ZNF462: variants seen among roughly 807,000 people sequenced by gnomAD.
ZNF462 encodes zinc finger protein 462, also known as zinc finger PBX1-interacting protein.
A neutral mutation model predicts 201.9 loss-of-function variants in ZNF462; 10 were observed. The observed-to-expected ratio is 0.05, with a 90% CI of 0.03 to 0.08. The LOEUF (loss-of-function observed/expected upper bound fraction) is 0.08, where lower values mean the gene tolerates loss of function less well. Ranked by LOEUF, ZNF462 falls within the 10% of genes least tolerant of loss-of-function variation. The pLI is 1.00. For synonymous variants in ZNF462, 1,227 were observed against 1,193.3 expected, an observed-to-expected ratio of 1.03 and a Z score of -0.58; for missense variants, 2,523 against 3,168.3, an observed-to-expected ratio of 0.80 and a Z score of 4.89.
Position 106,974,329 on chromosome 9 carries a change from G to T in ZNF462, c.6832+56G>T. The T allele has an allele frequency of 1.2e-6, 2 of 1,612,546 alleles. No individual in the cohort carries two copies. Among genetic ancestry groups the T allele is most frequent in the Non-Finnish European group, 1.7e-6 (2 of 1,178,716 alleles). ...CAGCGGGGGGCAGGCAGCAGAGATG[G>T]CCTTCTAGGGATGCTCTCTCAGAGT... On this transcript the variant is annotated intron_variant, in intron 9 of 12. Transcript: ENST00000277225. The surrounding 1 kb of genome is among the most constrained non-coding windows in gnomAD (Gnocchi z 4.0).
chr9:106,954,020 T>C lies in ZNF462; in HGVS notation c.6427+14913T>C, dbSNP rs1831469451. ...CTCATCTCTTACCTAAGCCATTAAT[T>C]ACCATGTTTATCCCACCTGCAAAGT... On this transcript the variant is annotated intron_variant, in intron 7 of 12. Transcript: ENST00000277225. This position sits in a 1 kb window ranked among gnomAD's most constrained non-coding sequence, Gnocchi z 4.0. Among the ~76,000 whole-genome samples the C allele has an allele frequency of 1.3e-5, 2 of 152,140 alleles. No homozygotes were observed.
intron 1 of ZNF462, among the ~76,000 whole-genome samples, chr9:106,899,521 A>G (rs1368426018): frequency 1.3e-5 from 2 of 152,140 alleles, no homozygotes; most frequent in South Asian, 4.1e-4. Flanking sequence ...AAACCCTGAG[A>G]GAAAATGGAA....
intron 11 of ZNF462, among the ~76,000 whole-genome samples, chr9:107,004,218 A>G (rs1329449920): frequency 6.6e-6 from 1 of 152,252 alleles, no homozygotes; most frequent in African/African-American, 2.4e-5. Context: ...TTGCAGATTT[A>G]TCAGAAGCAC....
In ZNF462 at chr9:106,925,577, ACAGCCACAGCCACTGCAG is replaced by A. The variant is rs747990150; in HGVS notation, c.1679_1696del (p.Leu560_Pro565del). 139 of 1,612,526 alleles carry A rather than the reference ACAGCCACAGCCACTGCAG, an allele frequency of 8.6e-5. No homozygotes were observed. The highest frequency in any genetic ancestry group is 1.1e-4 in the Non-Finnish European group (130 of 1,179,308). On this transcript the variant is annotated inframe_deletion, in exon 3 of 13. Coordinates refer to ENST00000277225, the MANE Select transcript of ZNF462 (RefSeq NM_021224.6). The surrounding 1 kb of genome is among the most constrained non-coding windows in gnomAD (Gnocchi z 7.9). ...CACCGCCGCCGCCACCACCACCATC[ACAGCCACAGCCACTGCAG>A]CAGCCACAGCCACCACAGCTGCAGC...
intron 1 of ZNF462, among the ~76,000 whole-genome samples, chr9:106,898,481 C>T (rs193114579): frequency 6.6e-6 from 1 of 152,148 alleles, no homozygotes; most frequent in African/African-American, 2.4e-5. Context: ...TGTTGGTTGT[C>T]ACTACTGGGG....
chr9:106,865,387 A>AT lies in ZNF462; in HGVS notation c.-31+2039dup, dbSNP rs974302018. On this transcript the variant is annotated intron_variant, in intron 1 of 12. Transcript: ENST00000277225. The surrounding 1 kb of genome is among the most constrained non-coding windows in gnomAD (Gnocchi z 4.1). ...AAGATGGTGATGGCCCTAAGCTGAG[A>AT]TTTTTTTGAGTTCTAGGGTTTGGTT... Among the ~76,000 whole-genome samples the AT allele has an allele frequency of 1.3e-5, 2 of 152,028 alleles. No individual in the cohort carries two copies. Among genetic ancestry groups the AT allele is most frequent in the Non-Finnish European group, 2.9e-5 (2 of 68,002 alleles).
chr9:106,941,191 A>ATACTCTTGAGCCTG (rs1564120535), intron 7 of ZNF462, among the ~76,000 whole-genome samples: 1 of 152,222 alleles, frequency 6.6e-6, no homozygotes, highest in African/African-American at 2.4e-5. Context: ...GAGTTCAGTT[A>ATACTCTTGAGCCTG]TACTCTTGAG....
At position 107,009,739 on chromosome 9, in the gene ZNF462, T is replaced by C. The variant is rs1010659867; in HGVS notation, c.7313+71T>C. 17 of 1,593,566 alleles carry C rather than the reference T, an allele frequency of 1.1e-5. No individual in the cohort carries two copies. Among genetic ancestry groups the C allele is most frequent in the Non-Finnish European group, 1.4e-5 (16 of 1,170,804 alleles). On this transcript the variant is annotated intron_variant, in intron 12 of 12. Transcript: ENST00000277225. The surrounding 1 kb of genome is among the most constrained non-coding windows in gnomAD (Gnocchi z 6.1). Reference sequence around the variant, plus strand: ...AGGGAGGGAGGGAGGGGCTCTTGTTTTGGTTCCCCTGACAGTATGTACACC... The same window carrying C: ...AGGGAGGGAGGGAGGGGCTCTTGTTCTGGTTCCCCTGACAGTATGTACACC...
intron 8 of ZNF462, among the ~76,000 whole-genome samples, chr9:106,973,484 C>G (rs906637812): frequency 1.3e-5 from 2 of 152,222 alleles, no homozygotes; most frequent in Admixed American, 6.5e-5. Context: ...GGCCGACAGA[C>G]AGGCAGACAC....
chr9:106,879,174 C>T (rs1040827070), intron 1 of ZNF462, among the ~76,000 whole-genome samples: 2 of 152,146 alleles, frequency 1.3e-5, no homozygotes, highest in African/African-American at 4.8e-5. Context: ...TCTGTTACCA[C>T]CGCTGTGACG....
chr9:106,921,408 CTCT>C (rs1358491660), intron 1 of ZNF462, among the ~76,000 whole-genome samples: 1 of 152,204 alleles, frequency 6.6e-6, no homozygotes, highest in Non-Finnish European at 1.5e-5. Flanking sequence ...GCCCAGCCTG[CTCT>C]TCTAGCATTC....
At chr9:106,914,244 T>C (rs1477823713) in intron 1 of ZNF462, among the ~76,000 whole-genome samples, 1 of 138,442 alleles carries the variant, frequency 7.2e-6, no homozygotes, top group East Asian at 2.0e-4. Flanking sequence ...TGAAGACAGG[T>C]GGGTTATATG....
chr9:106,921,912 GA>G (rs1830008243), intron 1 of ZNF462, among the ~76,000 whole-genome samples: 3 of 152,162 alleles, frequency 2.0e-5, no homozygotes, highest in Admixed American at 2.0e-4. Flanking sequence ...AATGTTTATT[GA>G]AAAAGGATAA....
intron 7 of ZNF462, among the ~76,000 whole-genome samples, chr9:106,956,162 A>C (rs1268231426): frequency 6.6e-6 from 1 of 152,118 alleles, no homozygotes; most frequent in African/African-American, 2.4e-5. Context: ...CTGAATCCTT[A>C]TTACCTGTAT....
chr9:106,972,237 C>G lies in ZNF462; in HGVS notation c.6660C>G (p.Phe2220Leu), dbSNP rs1303004263. ...ACAAGCATGGTGGGAAGAAGCTTTT[C>G]AAGTGCAAAGACTGCTCCTTTTACA... The part of the protein sequence containing the change: ...YRDKHGGKKL[F>L]KCKDCSFYTG... Residue 2220 changes from phenylalanine to leucine, a missense_variant, in exon 8 of 13, where the codon TTC (phenylalanine) becomes TTG (leucine). Physicochemically the swap from Phe to Leu is conservative, Grantham distance 22. Transcript: ENST00000277225. The surrounding 1 kb of genome is among the most constrained non-coding windows in gnomAD (Gnocchi z 4.8). The G allele has an allele frequency of 6.2e-7, 1 of 1,614,208 alleles. No individual in the cohort carries two copies. Among genetic ancestry groups the G allele is most frequent in the Admixed American group, 1.7e-5 (1 of 60,028 alleles).
At chr9:106,949,358 A>G (rs1310600625) in intron 7 of ZNF462, among the ~76,000 whole-genome samples, 1 of 152,202 alleles carries the variant, frequency 6.6e-6, no homozygotes, top group Non-Finnish European at 1.5e-5. Context: ...GCAACCGCAC[A>G]CAAGGAAAGC....
At chr9:107,004,094 G>C (rs1829384263) in intron 11 of ZNF462, among the ~76,000 whole-genome samples, 1 of 152,070 alleles carries the variant, frequency 6.6e-6, no homozygotes, top group Non-Finnish European at 1.5e-5. Flanking sequence ...TTTAGTTGTG[G>C]ATATACATTT....
At chr9:106,947,032 G>A (rs1831139679) in intron 7 of ZNF462, among the ~76,000 whole-genome samples, 1 of 152,170 alleles carries the variant, frequency 6.6e-6, no homozygotes, top group African/African-American at 2.4e-5. Flanking sequence ...AACAAAAATG[G>A]TGAAATAGCA....
chr9:106,908,887 T>G (rs1209629134), intron 1 of ZNF462, among the ~76,000 whole-genome samples: 1 of 133,246 alleles, frequency 7.5e-6, no homozygotes, highest in Non-Finnish European at 1.6e-5. Context: ...GCTGTGAAAG[T>G]TGAGAATATT....
Sources: gnomAD v4.1 joint callset for allele counts (sites outside exome capture counted in the v4.1 genomes callset) on GRCh38, gnomAD v4.1.1 for gene constraint, Gnocchi (gnomAD v3.1) non-coding constraint, MANE v1.5 for transcripts, NCBI Gene and HGNC (gene_info 2026-07-23, HGNC 2026-07-21) for gene names.